GPC5: variants seen among roughly 807,000 people sequenced by gnomAD.
The protein encoded by GPC5 is glypican-5.
GPC5 carries 47 observed loss-of-function variants against 53.9 expected under a neutral mutation model. That is an observed-to-expected ratio of 0.87 (90% CI 0.69 to 1.11). The LOEUF (loss-of-function observed/expected upper bound fraction) is 1.11. Among genes scored for constraint, GPC5 ranks in the 50% most tolerant of loss-of-function variants. The probability of loss-of-function intolerance (pLI) is 0.00; values close to 1 mark genes in which losing one functional copy is unlikely to be tolerated. For missense variants in GPC5, 748 were observed against 713.1 expected, an observed-to-expected ratio of 1.05 and a Z score of -0.56; for synonymous variants, 286 against 263.3, an observed-to-expected ratio of 1.09 and a Z score of -0.84.
rs1303192670 is a variant in GPC5 at position 92,802,503 on chromosome 13, G to A, written c.1562-63779G>A. 6.6e-5 allele frequency among the ~76,000 whole-genome samples: 10 copies of A among 151,852 alleles called. No homozygotes were observed. In the South Asian group the frequency reaches 1.2e-3, roughly 19 times the overall value. On this transcript the variant is annotated intron_variant, in intron 7 of 7. Transcript: ENST00000377067. Reference sequence around the variant, plus strand: ...GCTATAAAGACACATGCACACGTACGTTTATTGCTGCACTACTCACAACAG... The same window carrying A: ...GCTATAAAGACACATGCACACGTACATTTATTGCTGCACTACTCACAACAG...
chr13:92,479,402 G>A (rs1020786022), intron 7 of GPC5, among the ~76,000 whole-genome samples: 11 of 152,170 alleles, frequency 7.2e-5, no homozygotes, highest in African/African-American at 2.7e-4. Context: ...AAGAACAGAA[G>A]AGTTACCTTT....
chr13:92,355,492 G>A (rs2043514302), intron 7 of GPC5, among the ~76,000 whole-genome samples: 1 of 151,982 alleles, frequency 6.6e-6, no homozygotes, highest in Non-Finnish European at 1.5e-5. Context: ...AGCCTCTGTG[G>A]GGCACATGCC....
At chr13:92,831,636 C>T (rs1163226717) in intron 7 of GPC5, among the ~76,000 whole-genome samples, 1 of 152,116 alleles carries the variant, frequency 6.6e-6, no homozygotes, top group Non-Finnish European at 1.5e-5. Context: ...AGCATTAGCT[C>T]AAGCAAATAA....
chr13:92,443,548 AAAAC>A (rs1181996937), intron 7 of GPC5, among the ~76,000 whole-genome samples: 2 of 152,242 alleles, frequency 1.3e-5, no homozygotes, highest in Non-Finnish European at 1.5e-5. Flanking sequence ...TGTTACAAAA[AAAAC>A]AATTTTTGAG....
At chr13:92,011,565 A>C (rs1029987650) in intron 6 of GPC5, among the ~76,000 whole-genome samples, 8 of 152,156 alleles carry the variant, frequency 5.3e-5, no homozygotes, top group African/African-American at 1.9e-4. Context: ...GCCTCTGGGC[A>C]CTGATGATGC....
At chr13:92,223,606 T>C (rs147410683) in intron 7 of GPC5, among the ~76,000 whole-genome samples, 445 of 152,270 alleles carry the variant, frequency 2.9e-3, no homozygotes, top group Non-Finnish European at 4.5e-3. Flanking sequence ...TATAAAAAGA[T>C]GAAACCTCAT....
At chr13:92,752,747 G>A (rs982144285) in intron 7 of GPC5, among the ~76,000 whole-genome samples, 5 of 152,100 alleles carry the variant, frequency 3.3e-5, no homozygotes, top group African/African-American at 4.8e-5. Context: ...CTGGAAAATC[G>A]GGTCACTTCC....
chr13:92,685,575 A>AATTTTTTTTTTTTT (rs1887247180), intron 7 of GPC5, among the ~76,000 whole-genome samples: 3 of 47,546 alleles, frequency 6.3e-5, no homozygotes, highest in African/African-American at 2.0e-4. Context: ...TTTTTTTTTT[A>AATTTTTTTTTTTTT]TTATACTCTA....
chr13:92,718,546 G>T (rs1478712992), intron 7 of GPC5, among the ~76,000 whole-genome samples: 1 of 152,080 alleles, frequency 6.6e-6, no homozygotes, highest in Non-Finnish European at 1.5e-5. Flanking sequence ...GTTATCAGGG[G>T]CTGGGAAGGG....
At position 91,821,477 on chromosome 13, in the gene GPC5, C is replaced by T. The variant is rs191730560; in HGVS notation, c.1280+65057C>T. Among the ~76,000 whole-genome samples the T allele has an allele frequency of 6.6e-5, 10 of 152,188 alleles. No homozygotes were observed. The East Asian group carries it at 1.7e-3, about 26-fold the overall frequency. Reference sequence around the variant, plus strand: ...CCGTTGTTTTGTTTAAAACTTCCTACAATGTTGAATAAAAGTGGAGATATT... The same window carrying T: ...CCGTTGTTTTGTTTAAAACTTCCTATAATGTTGAATAAAAGTGGAGATATT... On this transcript the variant is annotated intron_variant, in intron 5 of 7. Coordinates refer to ENST00000377067, the MANE Select transcript of GPC5 (RefSeq NM_004466.6).
chr13:92,482,819 C>A (rs527688534), intron 7 of GPC5, among the ~76,000 whole-genome samples: 1 of 152,222 alleles, frequency 6.6e-6, no homozygotes, highest in South Asian at 2.1e-4. Context: ...GAATGAGTAA[C>A]TATAGTTATG....
chr13:92,390,250 C>G (rs1874933146), intron 7 of GPC5, among the ~76,000 whole-genome samples: 1 of 151,720 alleles, frequency 6.6e-6, no homozygotes, highest in South Asian at 2.1e-4. Context: ...AGTATTAGTC[C>G]CAGAAGATTT....
chr13:92,658,829 G>A (rs1053595887), intron 7 of GPC5, among the ~76,000 whole-genome samples: 2 of 151,802 alleles, frequency 1.3e-5, no homozygotes, highest in African/African-American at 2.4e-5. Context: ...CTGGAGCAAG[G>A]CATCAAGGTT....
chr13:91,691,897 C>A (rs982638556), intron 2 of GPC5, among the ~76,000 whole-genome samples: 1 of 151,984 alleles, frequency 6.6e-6, no homozygotes, highest in Non-Finnish European at 1.5e-5. Context: ...AGTGACTATA[C>A]GGTTGGGACT....
intron 7 of GPC5, among the ~76,000 whole-genome samples, chr13:92,531,553 A>G (rs1014927037): frequency 5.3e-5 from 8 of 152,168 alleles, no homozygotes; most frequent in African/African-American, 1.9e-4. Context: ...AGATACATAC[A>G]GTATGTGTCT....
intron 7 of GPC5, among the ~76,000 whole-genome samples, chr13:92,512,627 C>A (rs80087740): frequency 1.3e-5 from 2 of 152,188 alleles, no homozygotes; most frequent in East Asian, 3.9e-4. Context: ...TTTCCCTATG[C>A]CAATATCCAG....
intron 7 of GPC5, among the ~76,000 whole-genome samples, chr13:92,807,953 T>C (rs1014532706): frequency 2.0e-5 from 3 of 152,256 alleles, no homozygotes; most frequent in South Asian, 4.1e-4. Context: ...CATGTAAATG[T>C]ATGTCATGTC....
At chr13:92,364,206 C>A (rs1322759624) in intron 7 of GPC5, among the ~76,000 whole-genome samples, 1 of 151,724 alleles carries the variant, frequency 6.6e-6, no homozygotes, top group African/African-American at 2.4e-5. Context: ...ACTAATTTAT[C>A]TTTTGCTCTC....
intron 7 of GPC5, among the ~76,000 whole-genome samples, chr13:92,536,623 T>C (rs963632860): frequency 7.2e-5 from 11 of 152,112 alleles, no homozygotes; most frequent in African/African-American, 2.4e-4. Flanking sequence ...TTTGGTGTTG[T>C]TTATAATGAC....
Sources: allele counts gnomAD v4.1 joint callset (sites outside exome capture counted in the v4.1 genomes callset), GRCh38; gene constraint gnomAD v4.1.1; transcripts MANE v1.5; gene names NCBI Gene and HGNC (gene_info 2026-07-23, HGNC 2026-07-21).